ARHGAP10: variants seen among roughly 807,000 people sequenced by gnomAD.
ARHGAP10 encodes Rho GTPase activating protein 10.
In ARHGAP10, 87 loss-of-function variants were observed where a neutral mutation model predicts 108.6. That is an observed-to-expected ratio of 0.80 (90% CI 0.67 to 0.96). The LOEUF is 0.96. Ranked by LOEUF, ARHGAP10 falls within the 40% of genes least tolerant of loss-of-function variation. The pLI, the probability that ARHGAP10 is intolerant of heterozygous loss-of-function variation, is 0.00. For synonymous variants in ARHGAP10, 347 were observed against 341.1 expected (o/e 1.02, Z -0.19); for missense variants, 939 against 954.5 (o/e 0.98, Z 0.21).
chr4:147,784,806 AATATATTATAAAATATATATTATAAAT>A lies in ARHGAP10; in HGVS notation c.155-37916_155-37890del, dbSNP rs1730792997. Among the ~76,000 whole-genome samples, 2 of 3,718 alleles carry A rather than the reference AATATATTATAAAATATATATTATAAAT, an allele frequency of 5.4e-4. 1 individual carries two copies. The highest frequency in any genetic ancestry group is 1.9e-3 in the Non-Finnish European group (2 of 1,032). The allele number at this position is 3,718 out of a possible 152,430, so 2.4% of individuals were successfully genotyped here. On this transcript the variant is annotated intron_variant, in intron 1 of 22. Transcript: ENST00000336498. ...ATTATAAAATATATATTATAAATAT[AATATATTATAAAATATATATTATAAAT>A]ATATTATAAAATATATATTATAAAT...
At chr4:148,045,434 G>A (rs767570136) in intron 19 of ARHGAP10, among the ~76,000 whole-genome samples, 11 of 152,044 alleles carry the variant, frequency 7.2e-5, no homozygotes, top group African/African-American at 1.9e-4. Flanking sequence ...CTTATGCTTC[G>A]TTTTTAGGAG....
At chr4:148,032,352 G>A in intron 19 of ARHGAP10, among the ~76,000 whole-genome samples, 1 of 91,362 alleles carries the variant, frequency 1.1e-5, no homozygotes, top group Non-Finnish European at 2.0e-5. Context: ...CCCCCATATT[G>A]TAGGCCAAAC....
chr4:147,866,719 C>T lies in ARHGAP10; in HGVS notation c.605C>T (p.Ser202Leu), dbSNP rs750401483. ...KKFEFVEPML[S>L]FFQGMFTFYH... Reference sequence around the variant, plus strand: ...TTTCTTCCTGTGTCTTAGATGCTGTCATTTTTTCAGGGGATGTTTACCTTC... The same window carrying T: ...TTTCTTCCTGTGTCTTAGATGCTGTTATTTTTTCAGGGGATGTTTACCTTC... Residue 202 changes from serine (S) to leucine (L), a missense_variant, in exon 7 of 23, where the codon TCA (serine) becomes TTA (leucine). Coordinates refer to ENST00000336498, the MANE Select transcript of ARHGAP10 (RefSeq NM_024605.4). 4 of 1,612,616 alleles carry T rather than the reference C, an allele frequency of 2.5e-6. No individual in the cohort carries two copies. Among genetic ancestry groups the T allele is most frequent in the Non-Finnish European group, 3.4e-6 (4 of 1,179,318 alleles).
intron 3 of ARHGAP10, among the ~76,000 whole-genome samples, chr4:147,824,046 G>A (rs939912323): frequency 1.3e-5 from 2 of 152,124 alleles, no homozygotes; most frequent in Admixed American, 6.5e-5. Flanking sequence ...CAGGCTGGGC[G>A]AGGTGGCTCA....
At chr4:148,015,943 A>G (rs1741328198) in intron 18 of ARHGAP10, among the ~76,000 whole-genome samples, 1 of 152,158 alleles carries the variant, frequency 6.6e-6, no homozygotes, top group African/African-American at 2.4e-5. Context: ...GTGAAATAAG[A>G]CATCAGCACA....
At chr4:147,992,822 G>T (rs1036615457) in intron 18 of ARHGAP10, among the ~76,000 whole-genome samples, 1 of 152,170 alleles carries the variant, frequency 6.6e-6, no homozygotes, top group African/African-American at 2.4e-5. Flanking sequence ...GGCCATGGAA[G>T]GTATGAGCTT....
chr4:147,736,537 GAA>G (rs1035250202), intron 1 of ARHGAP10, among the ~76,000 whole-genome samples: 4 of 152,114 alleles, frequency 2.6e-5, no homozygotes, highest in African/African-American at 9.7e-5. Flanking sequence ...AAAATGGTGT[GAA>G]AGTGTTTTGA....
intron 4 of ARHGAP10, among the ~76,000 whole-genome samples, chr4:147,851,927 C>T (rs957125215): frequency 5.9e-5 from 9 of 152,284 alleles, no homozygotes; most frequent in Non-Finnish European, 1.2e-4. Context: ...AATCCTCTTT[C>T]GGTGCCTTAA....
At chr4:147,787,211 T>C (rs1309502812) in intron 1 of ARHGAP10, among the ~76,000 whole-genome samples, 1 of 152,144 alleles carries the variant, frequency 6.6e-6, no homozygotes, top group East Asian at 1.9e-4. Flanking sequence ...GAGGATCAGG[T>C]GTGACATTCT....
At chr4:148,062,256 T>C (rs1327447135) in intron 20 of ARHGAP10, among the ~76,000 whole-genome samples, 1 of 152,154 alleles carries the variant, frequency 6.6e-6, no homozygotes, top group African/African-American at 2.4e-5. Flanking sequence ...GTGCTAGTTC[T>C]CCGGCAGGGG....
chr4:147,914,304 C>G (rs1001391908), intron 13 of ARHGAP10, among the ~76,000 whole-genome samples: 3 of 152,134 alleles, frequency 2.0e-5, no homozygotes, highest in African/African-American at 7.2e-5. Context: ...TCACTGAGTT[C>G]TTTTCTGGCA....
intron 18 of ARHGAP10, among the ~76,000 whole-genome samples, chr4:148,008,899 A>C (rs1741058451): frequency 6.6e-6 from 1 of 152,192 alleles, no homozygotes; most frequent in African/African-American, 2.4e-5. Flanking sequence ...GTCTACTGTT[A>C]AGTCGGACGT....
intron 15 of ARHGAP10, among the ~76,000 whole-genome samples, chr4:147,952,664 C>G (rs1222756934): frequency 1.3e-5 from 2 of 151,998 alleles, no homozygotes; most frequent in Non-Finnish European, 2.9e-5. Flanking sequence ...CAAGTCCTTT[C>G]TTAGATACCT....
chr4:148,034,013 C>T (rs1728264656), intron 19 of ARHGAP10, among the ~76,000 whole-genome samples: 1 of 152,148 alleles, frequency 6.6e-6, no homozygotes, highest in African/African-American at 2.4e-5. Context: ...CTTCCCTCCT[C>T]TTGATGTTGT....
chr4:148,025,659 A>G (rs1462716641), intron 19 of ARHGAP10, among the ~76,000 whole-genome samples: 1 of 152,176 alleles, frequency 6.6e-6, no homozygotes, highest in African/African-American at 2.4e-5. Context: ...TACTAAAAAA[A>G]CTTTCATGTT....
chr4:147,742,677 G>A (rs56946313), intron 1 of ARHGAP10, among the ~76,000 whole-genome samples: 23,027 of 151,262 alleles, frequency 0.15, 2,591 homozygotes, highest in African/African-American at 0.32. Flanking sequence ...GTAGAGATGG[G>A]GTTTCACCAT....
intron 13 of ARHGAP10, among the ~76,000 whole-genome samples, chr4:147,918,985 A>G (rs1435346195): frequency 6.6e-6 from 1 of 152,122 alleles, no homozygotes; most frequent in African/African-American, 2.4e-5. Context: ...GATTGGACTC[A>G]TTTTTCCTCT....
intron 10 of ARHGAP10, among the ~76,000 whole-genome samples, chr4:147,886,938 T>G (rs1275733746): frequency 2.6e-5 from 4 of 152,072 alleles, no homozygotes; most frequent in Non-Finnish European, 4.4e-5. Flanking sequence ...ACCTGACTAA[T>G]TTTTGTATTT....
At chr4:148,044,547 C>T (rs1247018132) in intron 19 of ARHGAP10, among the ~76,000 whole-genome samples, 1 of 152,130 alleles carries the variant, frequency 6.6e-6, no homozygotes, top group Non-Finnish European at 1.5e-5. Flanking sequence ...CTATGTCTAG[C>T]TGAGCACTGA....
Sources: allele counts gnomAD v4.1 joint callset (sites outside exome capture counted in the v4.1 genomes callset), GRCh38; gene constraint gnomAD v4.1.1; transcripts MANE v1.5; gene names NCBI Gene and HGNC (gene_info 2026-07-23, HGNC 2026-07-21).